Variants in FUBP1 observed in about 807,000 individuals in gnomAD.
The protein encoded by FUBP1 is far upstream element binding protein 1.
Under a neutral mutation model 94.9 loss-of-function variants are expected in FUBP1, and 16 were observed. The ratio of observed to expected loss-of-function variants is 0.17; its 90% confidence interval spans 0.11 to 0.26. FUBP1 has a LOEUF of 0.26. Among genes scored for constraint, FUBP1 ranks in the 10% least tolerant of loss-of-function variants. The pLI is 1.00. For synonymous variants in FUBP1, 279 were observed against 254.9 expected (o/e 1.09, Z -0.90); for missense variants, 583 against 808.6 (o/e 0.72, Z 3.38).
chr1:77,971,431 T>C (rs1023178323), intron 1 of FUBP1, among the ~76,000 whole-genome samples: 1 of 152,182 alleles, frequency 6.6e-6, no homozygotes, highest in Non-Finnish European at 1.5e-5. Flanking sequence ...AGGGTAAAAT[T>C]ATAGTTAAGT....
intron 14 of FUBP1, among the ~76,000 whole-genome samples, chr1:77,961,152 T>C (rs1479762945): frequency 1.3e-5 from 2 of 152,236 alleles, no homozygotes; most frequent in Non-Finnish European, 2.9e-5. Flanking sequence ...TTATCATGCA[T>C]GCATGCCACA....
Position 77,946,659 on chromosome 1 carries a change from T to A in FUBP1, c.*2107A>T, listed in dbSNP as rs536019542. 4.9e-6 allele frequency: 1 copy of A among 204,978 alleles called. No individual in the cohort carries two copies. Among genetic ancestry groups the A allele is most frequent in the African/African-American group, 2.3e-5 (1 of 43,894 alleles). The allele number at this position is 204,978 out of a possible 1,614,324, so 12.7% of individuals were successfully genotyped here. A position where few individuals can be genotyped will look rare whatever the true frequency, so the allele number is the denominator to read the frequency against. On this transcript the variant is annotated 3_prime_UTR_variant, in exon 20 of 20. Coordinates refer to ENST00000370768, the MANE Select transcript of FUBP1 (RefSeq NM_003902.5). ...GAATCAAAATCAACAGCCTCCAATT[T>A]GTGAATTATGATACTGAATTCAACT...
intron 12 of FUBP1, 76 bp downstream of exon 12, chr1:77,963,986 A>C: frequency 1.1e-6 from 1 of 886,526 alleles, no homozygotes; most frequent in Non-Finnish European, 1.9e-6. Flanking sequence ...TCTGATATAG[A>C]GGTAACTTCA....
chr1:77,979,242 A>C (rs556791221), upstream of FUBP1: 4 of 492,736 alleles, frequency 8.1e-6, no homozygotes, highest in East Asian at 1.3e-4. Context: ...TAAGTTTAAG[A>C]CTTCGCGAGA....
At chr1:77,971,621 C>T (rs1207896020) in intron 1 of FUBP1, among the ~76,000 whole-genome samples, 3 of 151,928 alleles carry the variant, frequency 2.0e-5, no homozygotes, top group African/African-American at 7.3e-5. Flanking sequence ...TTTCCTAGGA[C>T]TCATAGATTT....
chr1:77,948,696 G>T lies in FUBP1; in HGVS notation c.*70C>A. The T allele has an allele frequency of 6.4e-7, 1 of 1,556,510 alleles. No homozygotes were observed. Among genetic ancestry groups the T allele is most frequent in the South Asian group, 1.3e-5 (1 of 79,888 alleles). ...AATTAAGATCTTCATCAAGTCGTCT[G>T]CATCCATATATTTAACAAAGGTTTT... On this transcript the variant is annotated 3_prime_UTR_variant, in exon 20 of 20. Transcript: ENST00000370768.
At chr1:77,950,202 C>G (rs1204640003) in intron 18 of FUBP1, among the ~76,000 whole-genome samples, 1 of 152,170 alleles carries the variant, frequency 6.6e-6, no homozygotes, top group East Asian at 1.9e-4. Context: ...ACTCTGCCAC[C>G]CAGGCTGGAG....
chr1:77,963,184 A>G (rs1356132750), intron 13 of FUBP1, among the ~76,000 whole-genome samples: 1 of 152,226 alleles, frequency 6.6e-6, no homozygotes, highest in Non-Finnish European at 1.5e-5. Flanking sequence ...TGATTATAAT[A>G]AAATATTTGA....
In FUBP1 at chr1:77,967,612, A is replaced by C. The variant is rs749903129; in HGVS notation, c.290+15T>G. ...AAAACTTGCAGAGTACTTTTTGAAA[A>C]TCTTGTGACTATACCTTTGCTGCTG... On this transcript the variant is annotated intron_variant, in intron 4 of 19. Transcript: ENST00000370768. The C allele has an allele frequency of 7.6e-6, 12 of 1,584,036 alleles. No homozygotes were observed. Among genetic ancestry groups the C allele is most frequent in the Non-Finnish European group, 7.8e-6 (9 of 1,158,662 alleles).
intron 18 of FUBP1, 107 bp from the exon 19 acceptor site, chr1:77,949,407 G>A: frequency 1.2e-5 from 10 of 851,392 alleles, no homozygotes; most frequent in South Asian, 3.9e-5. Flanking sequence ...CCAAGCCTTT[G>A]AATAATCTTG....
intron 18 of FUBP1, among the ~76,000 whole-genome samples, chr1:77,953,672 A>G (rs1011182531): frequency 1.3e-5 from 2 of 152,170 alleles, no homozygotes; most frequent in African/African-American, 2.4e-5. Context: ...TAGTATCTCT[A>G]ACTGGCAGGG....
chr1:77,960,093 A>G, intron 16 of FUBP1, 91 bp downstream of exon 16: 1 of 903,784 alleles, frequency 1.1e-6, no homozygotes, highest in Non-Finnish European at 1.8e-6. Context: ...AAGGTGATGC[A>G]TACAAATGTA....
chr1:77,954,984 A>G (rs1331261111), intron 18 of FUBP1, among the ~76,000 whole-genome samples: 4 of 152,166 alleles, frequency 2.6e-5, no homozygotes, highest in Admixed American at 2.6e-4. Flanking sequence ...TAGACTGATA[A>G]TATATATAAC....
chr1:77,966,153 GTAC>G (rs1557455193), intron 7 of FUBP1, among the ~76,000 whole-genome samples: 1 of 152,240 alleles, frequency 6.6e-6, no homozygotes, highest in Non-Finnish European at 1.5e-5. Context: ...AATTACCTGA[GTAC>G]TATGTGAACA....
chr1:77,963,902 G>T (rs1446470636), intron 12 of FUBP1, among the ~76,000 whole-genome samples, 160 bp downstream of exon 12: 6 of 152,140 alleles, frequency 3.9e-5, no homozygotes, highest in Non-Finnish European at 8.8e-5. Flanking sequence ...TAAGGTAGTA[G>T]TTCTTCCTGC....
At chr1:77,958,213 C>CA (rs1173745128) in intron 16 of FUBP1, among the ~76,000 whole-genome samples, 1 of 151,974 alleles carries the variant, frequency 6.6e-6, no homozygotes, top group South Asian at 2.1e-4. Context: ...AAAACCATAC[C>CA]AAAAAACCAG....
In FUBP1 at chr1:77,946,969, T is replaced by C. The variant is rs1003699235; in HGVS notation, c.*1797A>G. ...ATCCTGTAGGTAATCTCAACATTTA[T>C]GTCCTTGTACCTCTTCCTTTAAAGT... On this transcript the variant is annotated 3_prime_UTR_variant, in exon 20 of 20. Transcript: ENST00000370768. 6 of 206,198 alleles carry C rather than the reference T, an allele frequency of 2.9e-5. No individual in the cohort carries two copies. The highest frequency in any genetic ancestry group is 1.9e-4 in the South Asian group (1 of 5,362). The allele number at this position is 206,198 out of a possible 1,614,324, so 12.8% of individuals were successfully genotyped here.
intron 1 of FUBP1, among the ~76,000 whole-genome samples, chr1:77,975,971 TA>T (rs1232318936): frequency 6.6e-6 from 1 of 152,168 alleles, no homozygotes; most frequent in African/African-American, 2.4e-5. Flanking sequence ...CCAGGAATCA[TA>T]ATTACTTGTC....
chr1:77,955,151 A>G, intron 18 of FUBP1, 104 bp downstream of exon 18: 1 of 620,876 alleles, frequency 1.6e-6, no homozygotes, highest in Non-Finnish European at 2.9e-6. Flanking sequence ...CTGTCTTGAT[A>G]TGTTTACAAG....
Sources: allele counts gnomAD v4.1 joint callset (sites outside exome capture counted in the v4.1 genomes callset), GRCh38; gene constraint gnomAD v4.1.1; transcripts MANE v1.5; gene names NCBI Gene and HGNC (gene_info 2026-07-23, HGNC 2026-07-21).